Variants in UBAP2L observed in about 807,000 individuals in gnomAD.
UBAP2L encodes ubiquitin-associated protein 2-like.
UBAP2L carries 12 observed loss-of-function variants against 130.6 expected under a neutral mutation model. That is an observed-to-expected ratio of 0.09 (90% CI 0.06 to 0.15). The LOEUF is 0.15. UBAP2L is among the 10% of genes least tolerant of loss of function. UBAP2L has a pLI of 1.00. For missense variants in UBAP2L, 965 were observed against 1,332.5 expected (o/e 0.72, Z 4.29); for synonymous variants, 503 against 524.7 (o/e 0.96, Z 0.57).
chr1:154,227,011 CG>C (rs1384737173), intron 2 of UBAP2L, among the ~76,000 whole-genome samples: 1 of 152,086 alleles, frequency 6.6e-6, no homozygotes, highest in Non-Finnish European at 1.5e-5. Context: ...TTAGTAGAGA[CG>C]GGGTTTTGCC....
In UBAP2L at chr1:154,270,506, T is replaced by C; in HGVS notation, c.*211T>C. 6.9e-7 allele frequency: 1 copy of C among 1,453,398 alleles called. No individual in the cohort carries two copies. The highest frequency in any genetic ancestry group is 9.0e-7 in the Non-Finnish European group (1 of 1,107,946). 90.0% of individuals were successfully genotyped at this position (1,453,398 alleles called of 1,614,324 possible). ...TATAGGATTTGTATTTTCTCCTTTT[T>C]TTTCCCCCTTCCATTCCTTCTCCCC... is the stretch of plus-strand genomic sequence containing the variant. On this transcript the variant is annotated 3_prime_UTR_variant, in exon 27 of 27. Coordinates refer to ENST00000428931, the MANE Select transcript of UBAP2L (RefSeq NM_014847.4).
Position 154,270,333 on chromosome 1 carries a change from G to A in UBAP2L, c.*38G>A. On this transcript the variant is annotated 3_prime_UTR_variant, in exon 27 of 27. Coordinates refer to ENST00000428931, the MANE Select transcript of UBAP2L (RefSeq NM_014847.4). Reference sequence around the variant, plus strand: ...CTTCTCCCGGTCCCATCTTCTGAGAGGGCTTCTCAGCCTGGAAACTATGGA... The same window carrying A: ...CTTCTCCCGGTCCCATCTTCTGAGAAGGCTTCTCAGCCTGGAAACTATGGA... 6.2e-7 allele frequency: 1 copy of A among 1,613,292 alleles called. No homozygotes were observed. The highest frequency in any genetic ancestry group is 8.5e-7 in the Non-Finnish European group (1 of 1,179,756).
At chr1:154,256,040 A>G (rs183799538) in intron 18 of UBAP2L, among the ~76,000 whole-genome samples, 1 of 152,308 alleles carries the variant, frequency 6.6e-6, no homozygotes, top group East Asian at 1.9e-4. Flanking sequence ...TAAATTCTGG[A>G]AGAACATACC....
At chr1:154,228,773 G>T (rs1229442875) in intron 4 of UBAP2L, 48 bp downstream of exon 4, 44 of 1,424,238 alleles carry the variant, frequency 3.1e-5, no homozygotes, top group Non-Finnish European at 4.3e-5. Context: ...CAATTGGGAG[G>T]CTAGTAATGT....
chr1:154,247,738 A>C (rs992322978), intron 11 of UBAP2L, among the ~76,000 whole-genome samples: 2 of 151,756 alleles, frequency 1.3e-5, no homozygotes, highest in African/African-American at 2.4e-5. Context: ...CTAAAAAAAA[A>C]TTTTTTTTAA....
In UBAP2L at chr1:154,257,514, CCCT is replaced by C; in HGVS notation, c.2442+81_2442+83del. On this transcript the variant is annotated intron_variant, in intron 20 of 26. Transcript: ENST00000428931. Reference sequence around the variant, plus strand: ...TTTATAGCTCTGGCTTCAGATGGACCCCTGTGAATACCAAAACTTGCACATACT... The same window carrying C: ...TTTATAGCTCTGGCTTCAGATGGACCGTGAATACCAAAACTTGCACATACT... The C allele has an allele frequency of 2.0e-6, 3 of 1,487,098 alleles. No homozygotes were observed. In the South Asian group the frequency reaches 3.5e-5, roughly 17 times the overall value. 92.1% of individuals were successfully genotyped at this position (1,487,098 alleles called of 1,614,324 possible).
Position 154,230,564 on chromosome 1 carries a change from T to G in UBAP2L, c.279+1839T>G, listed in dbSNP as rs148046050. ...TTACTCTAGAATAATTGTCTCCAGA[T>G]TTTATGGGGGGAATCAGGTGGGGCT... On this transcript the variant is annotated intron_variant, in intron 4 of 26. Transcript: ENST00000428931. Among the ~76,000 whole-genome samples the G allele has an allele frequency of 2.0e-5, 3 of 152,312 alleles. No homozygotes were observed. In the East Asian group the frequency reaches 5.8e-4, roughly 29 times the overall value.
At chr1:154,255,071 A>G (rs886793789) in intron 16 of UBAP2L, 81 bp from the exon 17 acceptor site, 5 of 1,506,574 alleles carry the variant, frequency 3.3e-6, no homozygotes, top group Non-Finnish European at 4.5e-6. Context: ...TTGTCTTTGG[A>G]ACTGCCTTGG....
intron 25 of UBAP2L, among the ~76,000 whole-genome samples, chr1:154,267,655 T>C (rs1341871482): frequency 6.6e-6 from 1 of 151,590 alleles, no homozygotes; most frequent in Non-Finnish European, 1.5e-5. Context: ...TTGTTTTGTA[T>C]TTTGTATTTT....
intron 3 of UBAP2L, among the ~76,000 whole-genome samples, chr1:154,227,599 T>G (rs190584881): frequency 6.6e-6 from 1 of 151,468 alleles, no homozygotes; most frequent in Non-Finnish European, 1.5e-5. Flanking sequence ...CAGGCTGGAG[T>G]GCAGTGGCAT....
At chr1:154,249,112 T>C (rs913690789) in intron 11 of UBAP2L, 127 bp from the exon 12 acceptor site, 74 of 836,040 alleles carry the variant, frequency 8.9e-5, no homozygotes, top group Non-Finnish European at 1.2e-4. Context: ...CTATGCTGTA[T>C]ACTCAGTGTG....
chr1:154,257,526 C>A, intron 20 of UBAP2L, 92 bp downstream of exon 20: 2 of 1,360,694 alleles, frequency 1.5e-6, no homozygotes, highest in Non-Finnish European at 2.1e-6. Flanking sequence ...CTGTGAATAC[C>A]AAAACTTGCA....
chr1:154,256,372 C>T (rs1219811082), intron 18 of UBAP2L, among the ~76,000 whole-genome samples: 3 of 152,190 alleles, frequency 2.0e-5, no homozygotes, highest in African/African-American at 7.2e-5. Context: ...TGCAGTGGCT[C>T]ACCTCTGTAA....
intron 20 of UBAP2L, 88 bp downstream of exon 20, chr1:154,257,522 A>G (rs901916737): frequency 3.2e-5 from 45 of 1,425,090 alleles, no homozygotes; most frequent in African/African-American, 4.2e-5. Flanking sequence ...ACCCCTGTGA[A>G]TACCAAAACT....
chr1:154,251,515 C>T lies in UBAP2L; in HGVS notation c.1526C>T (p.Ala509Val), dbSNP rs1286033584. Residue 509 changes from alanine to valine, a missense_variant, in exon 14 of 27, where the codon GCA becomes GTA. Ala to Val is a moderately conservative substitution (Grantham distance 64, BLOSUM62 0). This residue lies in a region of UBAP2L where 393 missense variants were observed against 408.1 expected (regional missense o/e 0.96). Coordinates refer to ENST00000428931, the MANE Select transcript of UBAP2L (RefSeq NM_014847.4). ...CTGGCTGTGGAGATGCCTGGCTCAG[C>T]AGATATCTCAGGGCTAAACCTGCAG... is the stretch of plus-strand genomic sequence containing the variant. ...PALAVEMPGS[A>V]DISGLNLQFG... 3 of 1,613,890 alleles carry T rather than the reference C, an allele frequency of 1.9e-6. No homozygotes were observed. Among genetic ancestry groups the T allele is most frequent in the Non-Finnish European group, 2.5e-6 (3 of 1,180,010 alleles).
intron 11 of UBAP2L, among the ~76,000 whole-genome samples, chr1:154,246,648 C>T (rs769384783): frequency 6.6e-6 from 1 of 152,194 alleles, no homozygotes; most frequent in Non-Finnish European, 1.5e-5. Context: ...TGCCATTACT[C>T]TTGAGAGAAA....
rs1395571512 is a variant in UBAP2L at position 154,227,277 on chromosome 1, C to T, written c.91-5C>T. 6.2e-7 allele frequency: 1 copy of T among 1,612,860 alleles called. No individual in the cohort carries two copies. The highest frequency in any genetic ancestry group is 1.7e-5 in the Admixed American group (1 of 59,990). On this transcript the variant is annotated splice_polypyrimidine_tract_variant and splice_region_variant and intron_variant, in intron 2 of 26. Transcript: ENST00000428931. Reference sequence around the variant, plus strand: ...ATGCTTTCTTGATCTCATCTCAATTCCTAGGCCACTGCAGAACAAATTAGA... The same window carrying T: ...ATGCTTTCTTGATCTCATCTCAATTTCTAGGCCACTGCAGAACAAATTAGA...
chr1:154,244,966 CTG>C (rs61678414), intron 10 of UBAP2L, among the ~76,000 whole-genome samples: 7,912 of 152,144 alleles, frequency 0.052, 719 homozygotes, highest in African/African-American at 0.18. Context: ...GAGTCTCACT[CTG>C]TTGCCCAGGC....
intron 26 of UBAP2L, 96 bp downstream of exon 26, chr1:154,269,050 C>T (rs995439492): frequency 7.1e-7 from 1 of 1,412,008 alleles, no homozygotes; most frequent in Non-Finnish European, 9.7e-7. Context: ...CTCACCACCA[C>T]CTTCACCCAA....
Sources: allele counts gnomAD v4.1 joint callset (sites outside exome capture counted in the v4.1 genomes callset), GRCh38; gene constraint gnomAD v4.1.1; regional missense constraint gnomAD v4.1.1; transcripts MANE v1.5; gene names NCBI Gene and HGNC (gene_info 2026-07-23, HGNC 2026-07-21).